The following NAV3 variants were observed in gnomAD, a reference collection of about 807,000 sequenced individuals.
NAV3 encodes the protein pore membrane and/or filament interacting like protein 1.
NAV3 carries 87 observed loss-of-function variants against 244.7 expected under a neutral mutation model. The ratio of observed to expected loss-of-function variants is 0.36; its 90% CI spans 0.30 to 0.42. NAV3 has a LOEUF of 0.42. Ranked by LOEUF, NAV3 falls within the 20% of genes least tolerant of loss-of-function variation. The pLI, the probability that NAV3 is intolerant of heterozygous loss-of-function variation, is 1.00. For missense variants in NAV3, 2,663 were observed against 2,893.3 expected (o/e 0.92, Z 1.83); for synonymous variants, 1,126 against 1,042.2 (o/e 1.08, Z -1.55).
At chr12:77,798,366 T>G (rs1216261781) in intron 2 of NAV3, among the ~76,000 whole-genome samples, 1 of 152,172 alleles carries the variant, frequency 6.6e-6, no homozygotes, top group African/African-American at 2.4e-5. Context: ...TATTAAGATA[T>G]ATAAATAAAT....
chr12:77,957,177 C>T (rs907120211), intron 3 of NAV3, among the ~76,000 whole-genome samples: 11 of 152,212 alleles, frequency 7.2e-5, no homozygotes, highest in African/African-American at 2.7e-4. Context: ...CATGTTATGC[C>T]TTGCATTATG....
At chr12:77,969,142 A>ATG (rs3078729) in intron 5 of NAV3, among the ~76,000 whole-genome samples, 16,475 of 147,662 alleles carry the variant, frequency 0.11, 961 homozygotes, top group Non-Finnish European at 0.13. Flanking sequence ...AGTGTTTTTG[A>ATG]TGTGTGTGTG....
intron 5 of NAV3, among the ~76,000 whole-genome samples, chr12:77,980,946 A>G (rs1335895732): frequency 6.6e-6 from 1 of 152,178 alleles, no homozygotes; most frequent in Non-Finnish European, 1.5e-5. Context: ...AAAGCAGACC[A>G]TGCAGGTGGC....
intron 12 of NAV3, among the ~76,000 whole-genome samples, chr12:78,089,781 G>A (rs377670442): frequency 5.9e-5 from 9 of 152,056 alleles, no homozygotes; most frequent in East Asian, 1.9e-4. Context: ...TTGACACTGC[G>A]TCTAACTCAT....
chr12:77,767,549 G>A (rs912070306), intron 2 of NAV3, among the ~76,000 whole-genome samples: 11 of 152,292 alleles, frequency 7.2e-5, no homozygotes, highest in African/African-American at 2.4e-4. Context: ...TGTGGGGTCC[G>A]GCCACTGCAT....
intron 1 of NAV3, among the ~76,000 whole-genome samples, chr12:77,927,807 T>G (rs1034861623): frequency 6.6e-6 from 1 of 152,154 alleles, no homozygotes; most frequent in Non-Finnish European, 1.5e-5. Flanking sequence ...TCAGGCCCCA[T>G]GCATTTAAGA....
chr12:77,813,913 A>G (rs932223910), intron 2 of NAV3, among the ~76,000 whole-genome samples: 3 of 152,262 alleles, frequency 2.0e-5, no homozygotes, highest in Admixed American at 6.5e-5. Context: ...GATTTTTAAA[A>G]GTAAACCTCT....
At chr12:77,772,747 T>C (rs1870158148) in intron 2 of NAV3, among the ~76,000 whole-genome samples, 1 of 152,118 alleles carries the variant, frequency 6.6e-6, no homozygotes, top group South Asian at 2.1e-4. Flanking sequence ...GCTCGAGCAG[T>C]TGGAATCTGT....
intron 12 of NAV3, among the ~76,000 whole-genome samples, chr12:78,064,737 T>C (rs1353075573): frequency 6.6e-6 from 1 of 152,004 alleles, no homozygotes; most frequent in African/African-American, 2.4e-5. Context: ...ATTAAAGTAT[T>C]AGTATGTATA....
intron 1 of NAV3, among the ~76,000 whole-genome samples, chr12:77,857,000 A>G (rs1219123823): frequency 1.3e-5 from 2 of 152,184 alleles, no homozygotes; most frequent in East Asian, 3.8e-4. Context: ...TTTGCATTGA[A>G]TAAATCTGTT....
chr12:77,898,836 CCTT>C (rs1451357452), intron 1 of NAV3, among the ~76,000 whole-genome samples: 1 of 152,122 alleles, frequency 6.6e-6, no homozygotes. Flanking sequence ...AAATTGAAAA[CCTT>C]CTGGAAAGGA....
intron 5 of NAV3, among the ~76,000 whole-genome samples, chr12:77,986,879 A>C (rs1361698468): frequency 6.6e-6 from 1 of 152,154 alleles, no homozygotes; most frequent in Admixed American, 6.5e-5. Context: ...TAGAAAAAAA[A>C]TGTTCCATGA....
At position 78,050,275 on chromosome 12, in the gene NAV3, T is replaced by C. The variant is rs1882538702; in HGVS notation, c.2132+174T>C. Among the ~76,000 whole-genome samples, 2 of 152,242 alleles carry C rather than the reference T, an allele frequency of 1.3e-5. 1 individual carries two copies. The highest frequency in any genetic ancestry group is 4.1e-4 in the South Asian group (2 of 4,834). ...CCTTAAACTGAGAATTCACAGTATATACCTATTTATCTTTTATCTCTATCT... is the reference window on the plus strand; with the variant it reads ...CCTTAAACTGAGAATTCACAGTATACACCTATTTATCTTTTATCTCTATCT... On this transcript the variant is annotated intron_variant, in intron 10 of 39. Coordinates refer to ENST00000397909, the MANE Select transcript of NAV3 (RefSeq NM_001024383.2).
Position 77,946,317 on chromosome 12 carries a change from T to C in NAV3, c.414+5184T>C, listed in dbSNP as rs903056775. 2.0e-5 allele frequency among the ~76,000 whole-genome samples: 3 copies of C among 151,648 alleles called. No individual in the cohort carries two copies. The East Asian group carries it at 5.8e-4, about 29-fold the overall frequency. ...TATATAATATGTGTATGTGTGTGGA[T>C]ATATATAATACATGTATATATAATC... On this transcript the variant is annotated intron_variant, in intron 3 of 39. Coordinates refer to ENST00000397909, the MANE Select transcript of NAV3 (RefSeq NM_001024383.2).
intron 2 of NAV3, among the ~76,000 whole-genome samples, chr12:77,749,894 CT>C (rs1439897548): frequency 6.6e-6 from 1 of 152,134 alleles, no homozygotes; most frequent in Non-Finnish European, 1.5e-5. Flanking sequence ...TGCTAGAGTT[CT>C]TTTCTTTCAA....
At chr12:77,996,374 C>CAA (rs1351411378) in intron 6 of NAV3, among the ~76,000 whole-genome samples, 1 of 152,124 alleles carries the variant, frequency 6.6e-6, no homozygotes, top group Non-Finnish European at 1.5e-5. Context: ...TTCTCTTAAG[C>CAA]AAAAGTTAAA....
At chr12:78,081,421 C>CA (rs1953345252) in intron 12 of NAV3, among the ~76,000 whole-genome samples, 1 of 152,088 alleles carries the variant, frequency 6.6e-6, no homozygotes, top group African/African-American at 2.4e-5. Context: ...GGCTTGAGGG[C>CA]CCTGGATTGC....
At chr12:77,706,933 G>A (rs1053297131) in intron 2 of NAV3, among the ~76,000 whole-genome samples, 1 of 135,872 alleles carries the variant, frequency 7.4e-6, no homozygotes, top group Admixed American at 7.2e-5. Flanking sequence ...ATGCCCTCTT[G>A]ACATACTGAT....
intron 1 of NAV3, among the ~76,000 whole-genome samples, chr12:77,832,447 C>T (rs1873875926): frequency 6.6e-6 from 1 of 152,044 alleles, no homozygotes; most frequent in African/African-American, 2.4e-5. Flanking sequence ...ATAAGCGTCA[C>T]TTTTGTTTTG....
Sources: gnomAD v4.1 joint callset for allele counts (sites outside exome capture counted in the v4.1 genomes callset) on GRCh38, gnomAD v4.1.1 for gene constraint, MANE v1.5 for transcripts, NCBI Gene and HGNC (gene_info 2026-07-23, HGNC 2026-07-21) for gene names.